Variants in RYR2 observed in about 807,000 individuals in gnomAD.
RYR2 encodes the protein ryanodine receptor 2.
A neutral mutation model predicts 601.1 loss-of-function variants in RYR2; 227 were observed. The ratio of observed to expected loss-of-function variants is 0.38; its 90% CI spans 0.34 to 0.42. The LOEUF (loss-of-function observed/expected upper bound fraction) is 0.42, where lower values mean the gene tolerates loss of function less well. Ranked by LOEUF, RYR2 falls within the 10% of genes least tolerant of loss-of-function variation. The pLI is 1.00. For synonymous variants in RYR2, 2,223 were observed against 2,175.1 expected (o/e 1.02, Z -0.61); for missense variants, 4,646 against 6,156.5 (o/e 0.75, Z 8.21).
rs146129084 is a variant in RYR2 at position 237,456,671 on chromosome 1, T to C, written c.1548T>C (p.Asp516=). The change falls in exon 16 of 105, where the codon GAT becomes GAC. Residue 516 remains aspartate, a synonymous_variant. Coordinates refer to ENST00000366574, the MANE Select transcript of RYR2 (RefSeq NM_001035.3). The stretch of plus-strand genomic sequence containing the variant: ...ACAGCAGTGCAGCACACTTTGCTGA[T>C]GTTGCTGGGCGAGAAGCAGGAGAGT... ...HVYSSAAHFA[D]VAGREAGESW... 7.0e-4 allele frequency: 1,129 copies of C among 1,613,726 alleles called. 1 individual carries two copies. The highest frequency in any genetic ancestry group is 9.1e-4 in the Non-Finnish European group (1,072 of 1,179,694).
At chr1:237,713,946 T>C (rs1246964498) in intron 71 of RYR2, among the ~76,000 whole-genome samples, 1 of 152,102 alleles carries the variant, frequency 6.6e-6, no homozygotes, top group East Asian at 1.9e-4. Context: ...TTATAGGTTT[T>C]TTTTTTTGGT....
chr1:237,532,634 C>T (rs1668246169), intron 25 of RYR2, among the ~76,000 whole-genome samples: 1 of 152,024 alleles, frequency 6.6e-6, no homozygotes, highest in Admixed American at 6.6e-5. Flanking sequence ...AGTAATTATA[C>T]CTGTTACTCT....
At chr1:237,205,991 T>C (rs1558422635) in intron 1 of RYR2, among the ~76,000 whole-genome samples, 1 of 152,144 alleles carries the variant, frequency 6.6e-6, no homozygotes, top group Non-Finnish European at 1.5e-5. Flanking sequence ...CAGCGGGAGA[T>C]CCTCTTCCAC....
At chr1:237,118,454 C>A (rs2485565) in intron 1 of RYR2, among the ~76,000 whole-genome samples, 140,351 of 151,052 alleles carry the variant, frequency 0.93, 65,598 homozygotes, top group East Asian at 1. Context: ...AACACAAGTA[C>A]AATTTTTCAT....
At chr1:237,121,275 C>T (rs1670747656) in intron 1 of RYR2, among the ~76,000 whole-genome samples, 1 of 152,132 alleles carries the variant, frequency 6.6e-6, no homozygotes, top group South Asian at 2.1e-4. Context: ...CTTACTTAGG[C>T]TTCTGATGAA....
chr1:237,714,374 T>G (rs770897248), intron 71 of RYR2, among the ~76,000 whole-genome samples: 5 of 152,182 alleles, frequency 3.3e-5, no homozygotes, highest in Admixed American at 1.3e-4. Flanking sequence ...ACTGATAGGA[T>G]AGTCAAAGAT....
At chr1:237,461,171 G>T (rs1166884456) in intron 16 of RYR2, among the ~76,000 whole-genome samples, 1 of 152,164 alleles carries the variant, frequency 6.6e-6, no homozygotes, top group African/African-American at 2.4e-5. Context: ...ACTATCCCCA[G>T]ACTGCAAATT....
chr1:237,372,733 T>G (rs997490074), intron 6 of RYR2, among the ~76,000 whole-genome samples: 2 of 152,220 alleles, frequency 1.3e-5, no homozygotes, highest in Non-Finnish European at 2.9e-5. Context: ...GAGCCTCAAC[T>G]TGGTTGTTAG....
chr1:237,380,914 C>T (rs139973605), intron 8 of RYR2, among the ~76,000 whole-genome samples: 2,465 of 152,064 alleles, frequency 0.016, 80 homozygotes, highest in African/African-American at 0.057. Flanking sequence ...CCCGTCTCTA[C>T]TAAAAATACA....
intron 3 of RYR2, among the ~76,000 whole-genome samples, chr1:237,345,038 C>T (rs1443426115): frequency 9.2e-5 from 14 of 151,932 alleles, no homozygotes; most frequent in South Asian, 2.1e-4. Flanking sequence ...ATCCATCTCC[C>T]GACCTCGTGA....
chr1:237,761,281 A>G (rs1693414965), intron 84 of RYR2, among the ~76,000 whole-genome samples: 1 of 152,176 alleles, frequency 6.6e-6, no homozygotes, highest in African/African-American at 2.4e-5. Flanking sequence ...TCAATGAGGA[A>G]TAATGGTTGA....
intron 16 of RYR2, among the ~76,000 whole-genome samples, chr1:237,464,877 T>A (rs1659895311): frequency 6.6e-6 from 1 of 152,202 alleles, no homozygotes; most frequent in South Asian, 2.1e-4. Flanking sequence ...ACCATTTACT[T>A]ATTTAGGCAC....
At chr1:237,826,155 T>G (rs2102900018) in intron 101 of RYR2, among the ~76,000 whole-genome samples, 1 of 152,232 alleles carries the variant, frequency 6.6e-6, no homozygotes. Flanking sequence ...CCCAGCAATC[T>G]TATTACTGGG....
chr1:237,649,883 T>G lies in RYR2; in HGVS notation c.7519T>G (p.Leu2507Val). 6.2e-7 allele frequency: 1 copy of G among 1,613,258 alleles called. No homozygotes were observed. The highest frequency in any genetic ancestry group is 8.5e-7 in the Non-Finnish European group (1 of 1,179,466). ...RAAASLDTAA[L>V]SATDMALALN... The stretch of plus-strand genomic sequence containing the variant: ...CTCTCTGATTCTTTTTCAGGCAGCT[T>G]TGAGTGCTACAGACATGGCCTTGGC... The change falls in exon 50 of 105, where the codon TTG becomes GTG. Residue 2507 changes from leucine to valine, a missense_variant. Coordinates refer to ENST00000366574, the MANE Select transcript of RYR2 (RefSeq NM_001035.3).
chr1:237,605,652 G>A (rs1284675631), intron 35 of RYR2, among the ~76,000 whole-genome samples: 2 of 151,890 alleles, frequency 1.3e-5, no homozygotes, highest in African/African-American at 4.8e-5. Flanking sequence ...TGACATAATT[G>A]TATATTTAGA....
chr1:237,483,902 A>G (rs1662390606), intron 17 of RYR2, among the ~76,000 whole-genome samples: 1 of 152,174 alleles, frequency 6.6e-6, no homozygotes, highest in Admixed American at 6.5e-5. Context: ...AAAAATCCCC[A>G]AACAAATACC....
chr1:237,692,762 T>C (rs898346229), intron 63 of RYR2, among the ~76,000 whole-genome samples: 2 of 152,202 alleles, frequency 1.3e-5, no homozygotes, highest in Non-Finnish European at 2.9e-5. Context: ...CAAATATTAC[T>C]GTCTCAAGAA....
intron 1 of RYR2, among the ~76,000 whole-genome samples, chr1:237,081,986 G>A (rs1232720415): frequency 3.9e-5 from 6 of 152,240 alleles, no homozygotes; most frequent in Admixed American, 2.6e-4. Context: ...TTCTTAATGG[G>A]GAGAAGAACT....
chr1:237,344,625 GTAGAGTTCCT>G (rs1698135516), intron 3 of RYR2, among the ~76,000 whole-genome samples: 1 of 151,938 alleles, frequency 6.6e-6, no homozygotes, highest in Non-Finnish European at 1.5e-5. Flanking sequence ...ATTTCTACTC[GTAGAGTTCCT>G]TATCACTGGG....
Sources: allele counts gnomAD v4.1 joint callset (sites outside exome capture counted in the v4.1 genomes callset), GRCh38; gene constraint gnomAD v4.1.1; transcripts MANE v1.5; gene names NCBI Gene and HGNC (gene_info 2026-07-23, HGNC 2026-07-21).